PRDM15: variants seen among roughly 807,000 people sequenced by gnomAD.
PRDM15 encodes the protein PR/SET domain 15.
In PRDM15, 64 loss-of-function variants were observed where a neutral mutation model predicts 128.6. The observed-to-expected ratio is 0.50, with a 90% CI of 0.41 to 0.61. The LOEUF (loss-of-function observed/expected upper bound fraction) is 0.61, where lower values mean the gene tolerates loss of function less well. Ranked by LOEUF, PRDM15 falls within the 20% of genes least tolerant of loss-of-function variation. The pLI is 0.00. For synonymous variants in PRDM15, 615 were observed against 621.8 expected (o/e 0.99, Z 0.16); for missense variants, 1,242 against 1,569.1 (o/e 0.79, Z 3.52).
intron 1 of PRDM15, among the ~76,000 whole-genome samples, chr21:41,866,028 C>A (rs1456603506): frequency 6.6e-6 from 1 of 152,046 alleles, no homozygotes; most frequent in Non-Finnish European, 1.5e-5. Context: ...GGTATGAGAC[C>A]CCACGCCCAG....
chr21:41,867,399 C>G, intron 1 of PRDM15: 1 of 1,568,056 alleles, frequency 6.4e-7, no homozygotes, highest in Non-Finnish European at 8.8e-7. Flanking sequence ...GAAAGGAAAG[C>G]AAGCTGAGGC....
chr21:41,828,406 CT>C lies in PRDM15; in HGVS notation c.1367-74del. The C allele has an allele frequency of 6.5e-7, 1 of 1,534,588 alleles. No homozygotes were observed. The highest frequency in any genetic ancestry group is 9.0e-7 in the Non-Finnish European group (1 of 1,115,396). On this transcript the variant is annotated intron_variant, in intron 11 of 23. Coordinates refer to ENST00000398548, the MANE Select transcript of PRDM15 (RefSeq NM_001040424.3). The surrounding 1 kb of genome is among the most constrained non-coding windows in gnomAD (Gnocchi z 5.7). ...TCTCACGCAGGCACGCACGTGTGGCCTGAACGTCAATAAAGCGCGGGTGACG... is the reference window on the plus strand; with the variant it reads ...TCTCACGCAGGCACGCACGTGTGGCCGAACGTCAATAAAGCGCGGGTGACG...
intron 1 of PRDM15, chr21:41,871,846 G>T: frequency 2.1e-6 from 1 of 474,916 alleles, no homozygotes; most frequent in South Asian, 2.9e-5. Flanking sequence ...GCTCTGACCG[G>T]CCCTGCCGAG....
At chr21:41,878,931 G>A in intron 1 of PRDM15, 1 of 955,550 alleles carries the variant, frequency 1.0e-6, no homozygotes, top group Non-Finnish European at 1.2e-6. Context: ...CCGCGGGCGG[G>A]CGGGGGGCGC....
chr21:41,860,443 T>C (rs2063776427), intron 1 of PRDM15, 71 bp from the exon 2 acceptor site: 2 of 1,366,986 alleles, frequency 1.5e-6, no homozygotes. Context: ...TTTTTGAAAT[T>C]GAGCTCCCTC....
At position 41,874,127 on chromosome 21, in the gene PRDM15, T is replaced by C. The variant is rs569193188; in HGVS notation, c.-10+5143A>G. ...GTGTAGACTCTACCACACTGATGGCTGCTCTAACTGGCTGTCCTGTGTTTG... is the reference window on the plus strand; with the variant it reads ...GTGTAGACTCTACCACACTGATGGCCGCTCTAACTGGCTGTCCTGTGTTTG... On this transcript the variant is annotated intron_variant, in intron 1 of 23. Coordinates refer to ENST00000398548, the MANE Select transcript of PRDM15 (RefSeq NM_001040424.3). Among the ~76,000 whole-genome samples the C allele has an allele frequency of 5.4e-5, 8 of 149,210 alleles. No individual in the cohort carries two copies. The East Asian group carries it at 1.2e-3, about 22-fold the overall frequency.
At chr21:41,816,532 G>A (rs551247437) in intron 18 of PRDM15, among the ~76,000 whole-genome samples, 1 of 152,332 alleles carries the variant, frequency 6.6e-6, no homozygotes, top group Admixed American at 6.5e-5. Flanking sequence ...CCAGGGCGGT[G>A]GGCAGCCTGC....
chr21:41,827,952 C>T (rs1034138611), intron 12 of PRDM15, among the ~76,000 whole-genome samples: 2 of 152,154 alleles, frequency 1.3e-5, no homozygotes, highest in Non-Finnish European at 2.9e-5. Flanking sequence ...TCTCCTTGCG[C>T]ACAGCAGGTC....
At chr21:41,861,630 C>G in intron 1 of PRDM15, 1 of 1,614,060 alleles carries the variant, frequency 6.2e-7, no homozygotes, top group Non-Finnish European at 8.5e-7. Context: ...AGTGTGCATG[C>G]TGGCACTTCT....
At chr21:41,843,991 T>C (rs115824589) in intron 6 of PRDM15, among the ~76,000 whole-genome samples, 1,553 of 150,512 alleles carry the variant, frequency 0.01, 21 homozygotes, top group African/African-American at 0.035. Flanking sequence ...AAAGTTTAAA[T>C]TCAGAGCACT....
chr21:41,855,547 G>T (rs2063553299), intron 4 of PRDM15, among the ~76,000 whole-genome samples: 1 of 152,176 alleles, frequency 6.6e-6, no homozygotes, highest in African/African-American at 2.4e-5. Context: ...GTGAGAGGCA[G>T]GGGTGGGGGA....
chr21:41,804,506 T>C, intron 22 of PRDM15, 28 bp downstream of exon 22: 4 of 1,542,882 alleles, frequency 2.6e-6, no homozygotes, highest in Non-Finnish European at 3.5e-6. Context: ...CCAAAGTTTC[T>C]GAGCCCCTGG....
chr21:41,818,647 G>A (rs116406204), intron 18 of PRDM15, among the ~76,000 whole-genome samples: 1,698 of 152,166 alleles, frequency 0.011, 39 homozygotes, highest in African/African-American at 0.039. Flanking sequence ...GTGCTCATAG[G>A]GGTCACCCGG....
intron 22 of PRDM15, 85 bp downstream of exon 22, chr21:41,804,449 C>T (rs553382108): frequency 4.4e-5 from 48 of 1,083,672 alleles, no homozygotes; most frequent in East Asian, 4.1e-4. Flanking sequence ...TGCTCCCTCC[C>T]GGCCTGTCCA....
chr21:41,810,229 C>G lies in PRDM15; in HGVS notation c.2577G>C (p.Gln859His), dbSNP rs898779353. 1.9e-6 allele frequency: 3 copies of G among 1,613,152 alleles called. No individual in the cohort carries two copies. Among genetic ancestry groups the G allele is most frequent in the Non-Finnish European group, 2.5e-6 (3 of 1,179,954 alleles). The change falls in exon 21 of 24, where the codon CAG (glutamine) becomes CAC (histidine). Residue 859 changes from glutamine to histidine, a missense_variant. By Grantham distance (24) the Gln-to-His change is conservative. This residue lies in a region of PRDM15 where 602 missense variants were observed against 788.3 expected (regional missense o/e 0.76). Transcript: ENST00000398548. The surrounding 1 kb of genome is among the most constrained non-coding windows in gnomAD (Gnocchi z 6.4). ...VQLTHDKVEA[Q>H]SCQLCGTKVS... is the part of the protein sequence containing the mutation. ...CCTTGGTCCCGCACAGCTGGCAGCT[C>G]TGCGCCTCCACCTTGTCGTGTGTGA...
Position 41,826,007 on chromosome 21 carries a change from G to A in PRDM15, c.1582C>T (p.Leu528=). ...REDLEAGGEN[L]VRYKKEPSGC... ...GAAGGCTCCTTCTTGTAACGGACCA[G>A]GTTCTCCCCACCGGCCTCCAGGTCC... The change falls in exon 13 of 24, where the codon CTG becomes TTG. Residue 528 remains leucine (L), a synonymous_variant. Coordinates refer to ENST00000398548, the MANE Select transcript of PRDM15 (RefSeq NM_001040424.3). The A allele has an allele frequency of 3.7e-6, 6 of 1,614,166 alleles. No homozygotes were observed. In the South Asian group the frequency reaches 4.4e-5, roughly 12 times the overall value.
intron 5 of PRDM15, among the ~76,000 whole-genome samples, chr21:41,850,312 C>A (rs2063389181): frequency 1.7e-5 from 1 of 59,648 alleles, no homozygotes; most frequent in African/African-American, 4.3e-5. Context: ...GGTGCCCCCC[C>A]AACACTCTCC....
intron 7 of PRDM15, 49 bp from the exon 8 acceptor site, chr21:41,838,112 A>C: frequency 6.3e-7 from 1 of 1,597,936 alleles, no homozygotes. Flanking sequence ...AGCAGGGGAC[A>C]AACACAGTCA....
intron 9 of PRDM15, 71 bp downstream of exon 9, chr21:41,836,397 G>A (rs1166998447): frequency 2.8e-5 from 41 of 1,489,106 alleles, no homozygotes; most frequent in Non-Finnish European, 3.4e-5. Context: ...GGGAGACTCC[G>A]TGCTGTCCTC....
Sources: gnomAD v4.1 joint callset for allele counts (sites outside exome capture counted in the v4.1 genomes callset) on GRCh38, gnomAD v4.1.1 for gene constraint, gnomAD v4.1.1 regional missense constraint, Gnocchi (gnomAD v3.1) non-coding constraint, MANE v1.5 for transcripts, NCBI Gene and HGNC (gene_info 2026-07-23, HGNC 2026-07-21) for gene names.